Variants in SLC25A23 observed in about 807,000 individuals in gnomAD.
SLC25A23 encodes mitochondrial adenyl nucleotide antiporter SLC25A23.
Under a neutral mutation model 53.9 loss-of-function variants are expected in SLC25A23, and 32 were observed. The ratio of observed to expected loss-of-function variants is 0.59; its 90% CI spans 0.45 to 0.80. The LOEUF is 0.80. Among genes scored for constraint, SLC25A23 ranks in the 30% least tolerant of loss-of-function variants. The pLI is 0.00. For synonymous variants in SLC25A23, 275 were observed against 264.5 expected (o/e 1.04, Z -0.38); for missense variants, 575 against 651.4 (o/e 0.88, Z 1.28).
At chr19:6,453,294 C>T (rs2092621489) in intron 7 of SLC25A23, among the ~76,000 whole-genome samples, 1 of 139,420 alleles carries the variant, frequency 7.2e-6, no homozygotes. Flanking sequence ...AGACTGAGTG[C>T]AGTGACATGA....
At position 6,454,560 on chromosome 19, in the gene SLC25A23, T is replaced by C; in HGVS notation, c.641A>G (p.Gln214Arg). The change falls in exon 5 of 10, where the codon CAG (glutamine) becomes CGG (arginine). Residue 214 changes from glutamine to arginine, a missense_variant and splice_region_variant. Transcript: ENST00000301454. The surrounding 1 kb of genome is among the most constrained non-coding windows in gnomAD (Gnocchi z 4.3). ...GCAGGTCTCTCCAGAGCCCCTCACCTGCATGAAGACCTTGAGGCGGTCCAG... is the reference window on the plus strand; with the variant it reads ...GCAGGTCTCTCCAGAGCCCCTCACCCGCATGAAGACCTTGAGGCGGTCCAG... ...APLDRLKVFMQVHASKTNRLN... is the reference protein window; with the variant it reads ...APLDRLKVFMRVHASKTNRLN... The C allele has an allele frequency of 6.2e-7, 1 of 1,613,650 alleles. No individual in the cohort carries two copies. The highest frequency in any genetic ancestry group is 8.5e-7 in the Non-Finnish European group (1 of 1,179,866).
downstream of SLC25A23, chr19:6,436,140 A>G (rs989079809): frequency 4.7e-6 from 1 of 211,956 alleles, no homozygotes; most frequent in African/African-American, 2.3e-5. Flanking sequence ...CCCCCCCGCC[A>G]AAGGTTGGCA....
At chr19:6,453,877 G>A (rs1050222386) in intron 7 of SLC25A23, 104 bp downstream of exon 7, 2 of 923,160 alleles carry the variant, frequency 2.2e-6, no homozygotes, top group Non-Finnish European at 3.3e-6. Flanking sequence ...ATCAGAGAGG[G>A]ACAAAGGTAA....
chr19:6,439,603 T>C (rs1599281180), downstream of SLC25A23, among the ~76,000 whole-genome samples: 1 of 148,228 alleles, frequency 6.7e-6, no homozygotes, highest in Non-Finnish European at 1.5e-5. Context: ...CTGAGGCAGG[T>C]GGATCACTTG....
intron 8 of SLC25A23, among the ~76,000 whole-genome samples, chr19:6,445,850 G>C (rs2144844344): frequency 6.6e-6 from 1 of 152,178 alleles, no homozygotes; most frequent in East Asian, 1.9e-4. Context: ...CCAGGAGCCT[G>C]AGACCAGCCT....
At position 6,444,179 on chromosome 19, in the gene SLC25A23, G is replaced by C. The variant is rs754969882; in HGVS notation, c.1194C>G (p.Ala398=). ...GTGCCTGCATGCGGGTCCGGACCAG[G>C]GCCAGCGGGTAACTGGCTATCTGGC... ...TCGQIASYPL[A]LVRTRMQAQA... Residue 398 remains alanine (A), a synonymous_variant, in exon 9 of 10, where the codon GCC becomes GCG. Transcript: ENST00000301454. 1.3e-6 allele frequency: 2 copies of C among 1,596,172 alleles called. No homozygotes were observed. Among genetic ancestry groups the C allele is most frequent in the Non-Finnish European group, 1.7e-6 (2 of 1,171,510 alleles).
chr19:6,448,921 G>C (rs2092546081), intron 8 of SLC25A23, among the ~76,000 whole-genome samples: 1 of 151,844 alleles, frequency 6.6e-6, no homozygotes, highest in African/African-American at 2.4e-5. Flanking sequence ...CTACTCGGCA[G>C]GCTGAGGCAG....
At chr19:6,457,992 G>A (rs1169948045) in intron 2 of SLC25A23, among the ~76,000 whole-genome samples, 1 of 152,170 alleles carries the variant, frequency 6.6e-6, no homozygotes, top group Non-Finnish European at 1.5e-5. Flanking sequence ...TTCTGCCCCA[G>A]TAGGGAAAGG....
At position 6,442,803 on chromosome 19, in the gene SLC25A23, G is replaced by C. The variant is rs1210721216; in HGVS notation, c.1223-644C>G. On this transcript the variant is annotated intron_variant, in intron 9 of 9. Transcript: ENST00000301454. ...CAACCTCAGGTGATCCATCCGCCTC[G>C]GCCTCCCAAAGTGCTGGGATTACAG... is the stretch of plus-strand genomic sequence containing the variant. Among the ~76,000 whole-genome samples the C allele has an allele frequency of 2.0e-5, 3 of 151,932 alleles. No homozygotes were observed. In the South Asian group the frequency reaches 6.2e-4, roughly 32 times the overall value.
chr19:6,446,350 C>G (rs569304456), intron 8 of SLC25A23, among the ~76,000 whole-genome samples: 14 of 152,104 alleles, frequency 9.2e-5, no homozygotes, highest in Non-Finnish European at 1.9e-4. Context: ...GCAATAAGAG[C>G]AAGACTGTCT....
chr19:6,454,270 T>C lies in SLC25A23; in HGVS notation c.795+53A>G. ...CAAGCCAATCCCGTAAATCTTTATGTACAGCCCAGTCTTCCCTATGGCAAG... is the reference window on the plus strand; with the variant it reads ...CAAGCCAATCCCGTAAATCTTTATGCACAGCCCAGTCTTCCCTATGGCAAG... On this transcript the variant is annotated intron_variant, in intron 6 of 9. Coordinates refer to ENST00000301454, the MANE Select transcript of SLC25A23 (RefSeq NM_024103.3). The surrounding 1 kb of genome is among the most constrained non-coding windows in gnomAD (Gnocchi z 4.3). The C allele has an allele frequency of 6.3e-7, 1 of 1,579,750 alleles. No individual in the cohort carries two copies. The highest frequency in any genetic ancestry group is 1.7e-4 in the Middle Eastern group (1 of 5,890).
intron 9 of SLC25A23, among the ~76,000 whole-genome samples, chr19:6,443,379 G>A (rs1213662987): frequency 1.3e-5 from 2 of 152,024 alleles, no homozygotes; most frequent in African/African-American, 4.8e-5. Flanking sequence ...CTGCCACCAC[G>A]CCTGGCTAAT....
downstream of SLC25A23, among the ~76,000 whole-genome samples, chr19:6,439,685 C>T (rs548893975): frequency 3.3e-5 from 5 of 151,692 alleles, no homozygotes; most frequent in East Asian, 5.9e-4. Context: ...AAAAAATTAG[C>T]CGGGCGTGGT....
At chr19:6,452,503 G>C (rs1178917993) in intron 7 of SLC25A23, 24 bp from the exon 8 acceptor site, 5 of 1,580,670 alleles carry the variant, frequency 3.2e-6, no homozygotes, top group Non-Finnish European at 4.3e-6. Context: ...GGTTATCCCT[G>C]GAAAAGCTGT....
In SLC25A23 at chr19:6,452,340, TA is replaced by T; in HGVS notation, c.1042del (p.Tyr348MetfsTer12). The T allele has an allele frequency of 6.2e-7, 1 of 1,613,458 alleles. No homozygotes were observed. Among genetic ancestry groups the T allele is most frequent in the Non-Finnish European group, 8.5e-7 (1 of 1,179,748 alleles). The part of the protein sequence containing the change: ...YLPNVLGIIP[Y>X]AGIDLAVYET... ...GTAGACGGCCAGGTCGATGCCCGCA[TA>T]GGGGATGATGCCCAGCACGTTGGGG... On this transcript the variant is annotated frameshift_variant, in exon 8 of 10. Transcript: ENST00000301454. LOFTEE classifies it high-confidence loss of function.
chr19:6,457,361 C>T, intron 3 of SLC25A23, 142 bp downstream of exon 3: 2 of 719,800 alleles, frequency 2.8e-6, no homozygotes, highest in South Asian at 3.5e-5. Context: ...GCCACTGCGC[C>T]TGGCCAGATC....
chr19:6,456,710 T>C (rs1226288236), intron 3 of SLC25A23, among the ~76,000 whole-genome samples, 179 bp from the exon 4 acceptor site: 1 of 152,058 alleles, frequency 6.6e-6, no homozygotes, highest in South Asian at 2.1e-4. Context: ...GACGGAGTCT[T>C]GCTCTGTTGC....
intron 8 of SLC25A23, among the ~76,000 whole-genome samples, chr19:6,451,502 C>A (rs2092590511): frequency 6.6e-6 from 1 of 152,240 alleles, no homozygotes. Context: ...AGGTCACATG[C>A]CCATGAAGCA....
chr19:6,442,239 G>C (rs2092433288), intron 9 of SLC25A23, 80 bp from the exon 10 acceptor site: 1 of 1,013,058 alleles, frequency 9.9e-7, no homozygotes, highest in Non-Finnish European at 1.4e-6. Context: ...GGTTGGGCCA[G>C]GTGGTGTCAT....
Sources: gnomAD v4.1 joint callset for allele counts (sites outside exome capture counted in the v4.1 genomes callset) on GRCh38, gnomAD v4.1.1 for gene constraint, Gnocchi (gnomAD v3.1) non-coding constraint, MANE v1.5 for transcripts, NCBI Gene and HGNC (gene_info 2026-07-23, HGNC 2026-07-21) for gene names.